Variants in GZMA observed in about 807,000 individuals in gnomAD.
The protein encoded by GZMA is CTL tryptase.
GZMA carries 17 observed loss-of-function variants against 21.1 expected under a neutral mutation model. That is an observed-to-expected ratio of 0.81 (90% confidence interval 0.55 to 1.21). The LOEUF is 1.21. GZMA is among the 50% of genes most tolerant of loss of function. The probability of loss-of-function intolerance (pLI) is 0.00; values close to 1 mark genes in which losing one functional copy is unlikely to be tolerated. For synonymous variants in GZMA, 90 were observed against 107.8 expected, an observed-to-expected ratio of 0.83 and a Z score of 1.03; for missense variants, 306 against 315.9, an observed-to-expected ratio of 0.97 and a Z score of 0.24.
In GZMA at chr5:55,107,802, G is replaced by C. The variant is rs1165866044; in HGVS notation, c.224G>C (p.Arg75Thr). ...GTTGTGTCTGTTCTCAGGAACAAAA[G>C]GTCCCAGGTCATTCTTGGGGCTCAC... Reference protein sequence around the residue: ...LTAAHCNLNKRSQVILGAHSI... With the variant: ...LTAAHCNLNKTSQVILGAHSI... The change falls in exon 3 of 5, where the codon AGG becomes ACG. Residue 75 changes from arginine (R) to threonine (T), a missense_variant. By Grantham distance (71) the Arg-to-Thr change is moderately conservative. Transcript: ENST00000274306. The C allele has an allele frequency of 1.2e-6, 2 of 1,612,350 alleles. No homozygotes were observed. Among genetic ancestry groups the C allele is most frequent in the Non-Finnish European group, 1.7e-6 (2 of 1,178,728 alleles).
chr5:55,108,702 G>A (rs1241588113), intron 4 of GZMA, among the ~76,000 whole-genome samples: 1 of 152,132 alleles, frequency 6.6e-6, no homozygotes, highest in Non-Finnish European at 1.5e-5. Context: ...ATCTAAACTT[G>A]AAGATATACA....
intron 1 of GZMA, among the ~76,000 whole-genome samples, chr5:55,103,397 TA>T (rs1742335521): frequency 6.6e-6 from 1 of 152,252 alleles, no homozygotes; most frequent in African/African-American, 2.4e-5. Context: ...GTTCCCTCAT[TA>T]ACCCTTTGGG....
intron 3 of GZMA, 48 bp from the exon 4 acceptor site, chr5:55,108,077 T>C (rs1377004511): frequency 1.4e-6 from 2 of 1,463,802 alleles, no homozygotes; most frequent in South Asian, 2.5e-5. Flanking sequence ...ATTTAAAATG[T>C]AAATATTTAT....
rs202128288 is a variant in GZMA at position 55,105,632 on chromosome 5, T to C, written c.215+14T>C. Reference sequence around the variant, plus strand: ...TCACTGTAACTTGTAAGTGCCTGGGTTTTTAAAAAAAAGTTTGTAAAGATA... The same window carrying C: ...TCACTGTAACTTGTAAGTGCCTGGGCTTTTAAAAAAAAGTTTGTAAAGATA... On this transcript the variant is annotated intron_variant, in intron 2 of 4. Transcript: ENST00000274306. 2.4e-3 allele frequency: 3,911 copies of C among 1,607,974 alleles called. 7 individuals carry two copies. Among genetic ancestry groups the C allele is most frequent in the Non-Finnish European group, 3.1e-3 (3,611 of 1,175,962 alleles).
At chr5:55,105,873 G>A (rs1036623346) in intron 2 of GZMA, among the ~76,000 whole-genome samples, 1 of 151,840 alleles carries the variant, frequency 6.6e-6, no homozygotes, top group Non-Finnish European at 1.5e-5. Flanking sequence ...TTTGGAGGCT[G>A]AGGCAGGAGA....
intron 1 of GZMA, among the ~76,000 whole-genome samples, chr5:55,103,673 T>A (rs953604409): frequency 5.9e-5 from 9 of 152,178 alleles, no homozygotes; most frequent in East Asian, 5.8e-4. Context: ...GGGACTTATG[T>A]AATAACCTGC....
intron 4 of GZMA, among the ~76,000 whole-genome samples, chr5:55,108,597 CTAG>C (rs1742454139): frequency 6.6e-6 from 1 of 152,272 alleles, no homozygotes; most frequent in East Asian, 1.9e-4. Flanking sequence ...AAGTTCACTG[CTAG>C]TGCATGGGGT....
chr5:55,110,172 G>A lies in GZMA; in HGVS notation c.779G>A (p.Gly260Glu), dbSNP rs541748179. Residue 260 changes from glycine (G) to glutamate (E), a missense_variant, in exon 5 of 5, where the codon GGA becomes GAA. Physicochemically the swap from Gly to Glu is moderately conservative, Grantham distance 98. Coordinates refer to ENST00000274306, the MANE Select transcript of GZMA (RefSeq NM_006144.4). ...HLNWIIMTIK[G>E]AV ...AACTGGATAATTATGACTATCAAGG[G>A]AGCAGTTTAAATAACCGTTTCCTTT... 6.3e-7 allele frequency: 1 copy of A among 1,587,930 alleles called. No individual in the cohort carries two copies.
chr5:55,104,889 G>A (rs1742358598), intron 1 of GZMA, among the ~76,000 whole-genome samples: 2 of 152,182 alleles, frequency 1.3e-5, no homozygotes, highest in South Asian at 4.1e-4. Context: ...GATTGAAGGG[G>A]AGGTGCAATC....
At chr5:55,105,644 A>G (rs1232601800) in intron 2 of GZMA, 26 bp downstream of exon 2, 3 of 1,595,900 alleles carry the variant, frequency 1.9e-6, no homozygotes, top group Non-Finnish European at 1.7e-6. Context: ...TTTAAAAAAA[A>G]GTTTGTAAAG....
chr5:55,110,151 G>A lies in GZMA; in HGVS notation c.758G>A (p.Trp253Ter), dbSNP rs202102393. Reference protein sequence around the residue: ...YILLSKKHLNWIIMTIKGAV With the variant: ...YILLSKKHLN ...CTTCTCTCAAAGAAACACCTCAACT[G>A]GATAATTATGACTATCAAGGGAGCA... Residue 253 changes from tryptophan to a stop codon, truncating the protein, a stop_gained, in exon 5 of 5, where the codon TGG (tryptophan) becomes TAG (stop). Coordinates refer to ENST00000274306, the MANE Select transcript of GZMA (RefSeq NM_006144.4). LOFTEE classifies it high-confidence loss of function. The A allele has an allele frequency of 2.8e-4, 450 of 1,605,672 alleles. No homozygotes were observed. The highest frequency in any genetic ancestry group is 3.7e-4 in the Non-Finnish European group (440 of 1,175,950).
rs1359378921 is a variant in GZMA, at chr5:55,105,392, AT to A, written c.71-81del. The A allele has an allele frequency of 4.8e-6, 6 of 1,246,748 alleles. No homozygotes were observed. In the African/African-American group the frequency reaches 9.0e-5, roughly 19 times the overall value. The allele number at this position is 1,246,748 out of a possible 1,614,324, so 77.2% of individuals were successfully genotyped here. On this transcript the variant is annotated intron_variant, in intron 1 of 4. Coordinates refer to ENST00000274306, the MANE Select transcript of GZMA (RefSeq NM_006144.4). ...GACTTCCTCTCTGAGTGCAAAAAGC[AT>A]GGCTGGTCTTAGAAACATGACTTTG...
At chr5:55,108,715 A>G (rs758180060) in intron 4 of GZMA, among the ~76,000 whole-genome samples, 1 of 152,112 alleles carries the variant, frequency 6.6e-6, no homozygotes, top group Non-Finnish European at 1.5e-5. Context: ...GATATACAAC[A>G]CTTATGAGAG....
Position 55,110,045 on chromosome 5 carries a change from T to C in GZMA, c.652T>C (p.Cys218Arg), listed in dbSNP as rs757758838. The change falls in exon 5 of 5, where the codon TGC (cysteine) becomes CGC (arginine). Residue 218 changes from cysteine (C) to arginine (R), a missense_variant. Transcript: ENST00000274306. Reference protein sequence around the residue: ...CNGDSGSPLLCEGVFRGVTSF... With the variant: ...CNGDSGSPLLREGVFRGVTSF... ...GGGAGATTCTGGAAGCCCTTTGTTG[T>C]GCGAGGGTGTTTTCCGAGGGGTCAC... 1.2e-6 allele frequency: 2 copies of C among 1,611,550 alleles called. No homozygotes were observed. The highest frequency in any genetic ancestry group is 1.7e-6 in the Non-Finnish European group (2 of 1,179,010).
intron 2 of GZMA, among the ~76,000 whole-genome samples, chr5:55,106,443 CCCACACTTG>C (rs1742420343): frequency 6.6e-6 from 1 of 152,096 alleles, no homozygotes; most frequent in African/African-American, 2.4e-5. Context: ...GGAAGTTAGG[CCCACACTTG>C]CCACAAAGAA....
rs1461277051 is a variant in GZMA at position 55,107,799 on chromosome 5, A to G, written c.221A>G (p.Lys74Arg). 3 of 1,612,408 alleles carry G rather than the reference A, an allele frequency of 1.9e-6. No homozygotes were observed. The highest frequency in any genetic ancestry group is 2.5e-6 in the Non-Finnish European group (3 of 1,178,774). The change falls in exon 3 of 5, where the codon AAA (lysine) becomes AGA (arginine). Residue 74 changes from lysine to arginine, a missense_variant. Lys to Arg is a conservative substitution (Grantham distance 26, BLOSUM62 2). Transcript: ENST00000274306. ...VLTAAHCNLN[K>R]RSQVILGAHS... is the part of the protein sequence containing the mutation. Reference sequence around the variant, plus strand: ...AATGTTGTGTCTGTTCTCAGGAACAAAAGGTCCCAGGTCATTCTTGGGGCT... The same window carrying G: ...AATGTTGTGTCTGTTCTCAGGAACAGAAGGTCCCAGGTCATTCTTGGGGCT...
Position 55,106,626 on chromosome 5 carries a change from G to A in GZMA, c.215+1008G>A, listed in dbSNP as rs116623818. On this transcript the variant is annotated intron_variant, in intron 2 of 4. Transcript: ENST00000274306. ...TTTCAGTGCCCCCTCAGAGCCCTGG[G>A]TGCAACCATCAAGTACAGAAAGCTT... 8.2e-3 allele frequency among the ~76,000 whole-genome samples: 1,253 copies of A among 152,270 alleles called. 19 individuals carry two copies. Among genetic ancestry groups the A allele is most frequent in the African/African-American group, 0.028 (1,167 of 41,550 alleles).
chr5:55,106,112 AAT>A (rs1238436269), intron 2 of GZMA, among the ~76,000 whole-genome samples: 1 of 6,428 alleles, frequency 1.6e-4, no homozygotes, highest in Non-Finnish European at 3.3e-4. Flanking sequence ...AATAAAATAA[AAT>A]AAATAAAATA....
Position 55,107,915 on chromosome 5 carries a change from G to C in GZMA, c.337G>C (p.Gly113Arg). 1 of 1,613,340 alleles carries C rather than the reference G, an allele frequency of 6.2e-7. No individual in the cohort carries two copies. The highest frequency in any genetic ancestry group is 8.5e-7 in the Non-Finnish European group (1 of 1,179,412). Residue 113 changes from glycine (G) to arginine (R), a missense_variant, in exon 3 of 5, where the codon GGT (glycine) becomes CGT (arginine). By Grantham distance (125) the Gly-to-Arg change is moderately radical. Transcript: ENST00000274306. ...ATGCTATGACCCAGCCACACGCGAA[G>C]GTGACCTTAAACTTTTACAGGTACG... ...YPCYDPATRE[G>R]DLKLLQLMEK...
Sources: gnomAD v4.1 joint callset for allele counts (sites outside exome capture counted in the v4.1 genomes callset) on GRCh38, gnomAD v4.1.1 for gene constraint, MANE v1.5 for transcripts, NCBI Gene and HGNC (gene_info 2026-07-23, HGNC 2026-07-21) for gene names.